G3BP1: variants seen among roughly 807,000 people sequenced by gnomAD.
G3BP1 encodes G3BP stress granule assembly factor 1.
In G3BP1, 35 loss-of-function variants were observed where a neutral mutation model predicts 58.6. The observed-to-expected ratio is 0.60, with a 90% CI of 0.46 to 0.79. The LOEUF (loss-of-function observed/expected upper bound fraction) is 0.79. Among genes scored for constraint, G3BP1 ranks in the 30% least tolerant of loss-of-function variants. G3BP1 has a pLI of 0.00. For missense variants in G3BP1, 523 were observed against 580.8 expected, an observed-to-expected ratio of 0.90 and a Z score of 1.02; for synonymous variants, 191 against 195.4, an observed-to-expected ratio of 0.98 and a Z score of 0.19.
At chr5:151,797,951 TAACTG>T (rs1404568651) in intron 7 of G3BP1, among the ~76,000 whole-genome samples, 2 of 150,826 alleles carry the variant, frequency 1.3e-5, no homozygotes, top group African/African-American at 2.4e-5. Flanking sequence ...GGGTGATTGT[TAACTG>T]AACTATCGTT....
intron 7 of G3BP1, 52 bp from the exon 8 acceptor site, chr5:151,799,160 A>G (rs368299038): frequency 2.2e-5 from 20 of 890,008 alleles, no homozygotes; most frequent in Admixed American, 6.8e-5. Context: ...AGTAGCTTTT[A>G]TATTGTTTTG....
In G3BP1 at chr5:151,775,278, C is replaced by T. The variant is rs377735264; in HGVS notation, c.-50+3242C>T. On this transcript the variant is annotated intron_variant, in intron 1 of 11. Coordinates refer to ENST00000356245, the MANE Select transcript of G3BP1 (RefSeq NM_005754.3). ...GCTTCCTGGATGGTATACACATCTA[C>T]TTAGTAGGGATGTAATCTTTGGTGG... 5.7e-4 allele frequency among the ~76,000 whole-genome samples: 87 copies of T among 152,302 alleles called. 1 individual carries two copies. The highest frequency in any genetic ancestry group is 1.9e-3 in the African/African-American group (80 of 41,564).
chr5:151,794,041 C>A, intron 4 of G3BP1, 118 bp from the exon 5 acceptor site: 1 of 648,936 alleles, frequency 1.5e-6, no homozygotes, highest in Non-Finnish European at 2.8e-6. Context: ...ACTGAAATGT[C>A]TCCAGATATT....
Position 151,798,523 on chromosome 5 carries a change from T to TG in G3BP1, c.742-688dup, listed in dbSNP as rs1386380007. 9.8e-5 allele frequency among the ~76,000 whole-genome samples: 15 copies of TG among 152,338 alleles called. No homozygotes were observed. The East Asian group carries it at 2.3e-3, about 23-fold the overall frequency. ...ATAACAGGTTCTGGCGATTTTTAAA[T>TG]GTGCGAGAAAGGTGTTTATGATGAT... On this transcript the variant is annotated intron_variant, in intron 7 of 11. Coordinates refer to ENST00000356245, the MANE Select transcript of G3BP1 (RefSeq NM_005754.3).
intron 1 of G3BP1, among the ~76,000 whole-genome samples, chr5:151,783,446 C>T (rs573971969): frequency 1.3e-5 from 2 of 150,188 alleles, no homozygotes; most frequent in South Asian, 4.2e-4. Context: ...CTTGCTCTGT[C>T]ACCCAAGGTG....
Position 151,799,809 on chromosome 5 carries a change from C to G in G3BP1, c.844-80C>G. On this transcript the variant is annotated intron_variant, in intron 8 of 11. Transcript: ENST00000356245. The stretch of plus-strand genomic sequence containing the variant: ...GAATTGTCCATTTTGTAGTTTAAAA[C>G]TTGTTAGCTAAGAAACTTCATTAAG... 3.8e-6 allele frequency: 3 copies of G among 790,776 alleles called. No individual in the cohort carries two copies. The East Asian group carries it at 7.6e-5, about 20-fold the overall frequency. 49.0% of individuals were successfully genotyped at this position (790,776 alleles called of 1,614,324 possible). A position where few individuals can be genotyped will look rare whatever the true frequency, so the allele number is the denominator to read the frequency against.
intron 4 of G3BP1, among the ~76,000 whole-genome samples, chr5:151,793,774 C>T (rs1262749152): frequency 2.8e-5 from 4 of 144,350 alleles, no homozygotes; most frequent in African/African-American, 7.8e-5. Context: ...GGGAGGACCA[C>T]TTGAGCCCAG....
intron 5 of G3BP1, 35 bp downstream of exon 5, chr5:151,794,284 ATT>A: frequency 8.1e-7 from 1 of 1,236,462 alleles, no homozygotes; most frequent in African/African-American, 1.5e-5. Flanking sequence ...ACTTGTCTAA[ATT>A]TTTTTTAATG....
chr5:151,780,090 A>G (rs1762440700), intron 1 of G3BP1, among the ~76,000 whole-genome samples: 1 of 151,952 alleles, frequency 6.6e-6, no homozygotes, highest in East Asian at 1.9e-4. Flanking sequence ...TCTTTTTTTT[A>G]CTTGGTTGCC....
chr5:151,792,638 G>C (rs144419680), intron 4 of G3BP1, among the ~76,000 whole-genome samples: 32 of 152,212 alleles, frequency 2.1e-4, no homozygotes, highest in African/African-American at 7.5e-4. Flanking sequence ...GAGTCTCCCT[G>C]TGTTACCCAG....
In G3BP1 at chr5:151,811,989, C is replaced by G. The variant is rs1487837345; in HGVS notation, c.*7898C>G. ...CCAGGCTGCTTTTTAGAAGTATCTT[C>G]TACTTTGGCTAGCTGTCAGAGTTGC... is the stretch of plus-strand genomic sequence containing the variant. On this transcript the variant is annotated 3_prime_UTR_variant, in exon 12 of 12. Transcript: ENST00000356245. 2 of 152,186 alleles carry G rather than the reference C, an allele frequency of 1.3e-5. No homozygotes were observed. The highest frequency in any genetic ancestry group is 2.4e-5 in the African/African-American group (1 of 41,460). 9.4% of individuals were successfully genotyped at this position (152,186 alleles called of 1,614,324 possible).
chr5:151,774,379 A>G lies in G3BP1; in HGVS notation c.-50+2343A>G, dbSNP rs548566239. 5.9e-5 allele frequency among the ~76,000 whole-genome samples: 9 copies of G among 152,014 alleles called. No homozygotes were observed. The South Asian group carries it at 1.0e-3, about 18-fold the overall frequency. On this transcript the variant is annotated intron_variant, in intron 1 of 11. Coordinates refer to ENST00000356245, the MANE Select transcript of G3BP1 (RefSeq NM_005754.3). The stretch of plus-strand genomic sequence containing the variant: ...TCCCACTCGTTCTAGTATTTTGCAT[A>G]GAAAGTGAACGGCAGAAGGCAGTTT...
Position 151,810,799 on chromosome 5 carries a change from C to T in G3BP1, c.*6708C>T, listed in dbSNP as rs1763007680. On this transcript the variant is annotated 3_prime_UTR_variant, in exon 12 of 12. Coordinates refer to ENST00000356245, the MANE Select transcript of G3BP1 (RefSeq NM_005754.3). The stretch of plus-strand genomic sequence containing the variant: ...AATTTAATAAATTTTAGGCACTATA[C>T]CATTTCAGTGGAGAAAATTGTTGGG... The T allele has an allele frequency of 6.7e-6, 1 of 150,308 alleles. No individual in the cohort carries two copies. The allele number at this position is 150,308 out of a possible 1,614,324, so 9.3% of individuals were successfully genotyped here.
At chr5:151,797,189 G>T (rs770626338) in intron 6 of G3BP1, 38 bp from the exon 7 acceptor site, 8 of 1,600,138 alleles carry the variant, frequency 5.0e-6, no homozygotes, top group Non-Finnish European at 6.0e-6. Flanking sequence ...TGAAATAAAT[G>T]GTGGCAGAAT....
At chr5:151,798,318 C>G (rs981053011) in intron 7 of G3BP1, among the ~76,000 whole-genome samples, 1 of 152,036 alleles carries the variant, frequency 6.6e-6, no homozygotes, top group African/African-American at 2.4e-5. Context: ...CACTGCATTC[C>G]AGCCTGGGTA....
At chr5:151,797,153 T>C (rs923449693) in intron 6 of G3BP1, 74 bp from the exon 7 acceptor site, 1 of 1,438,584 alleles carries the variant, frequency 7.0e-7, no homozygotes, top group African/African-American at 1.4e-5. Context: ...TGGTTTCTGA[T>C]TAATAAATGA....
intron 4 of G3BP1, chr5:151,791,282 GA>G: frequency 4.9e-6 from 2 of 404,178 alleles, no homozygotes; most frequent in East Asian, 8.0e-5. Flanking sequence ...CATTTCCTAA[GA>G]ATAATTCTCT....
chr5:151,792,444 A>T (rs527898411), intron 4 of G3BP1, among the ~76,000 whole-genome samples: 2 of 152,342 alleles, frequency 1.3e-5, no homozygotes, highest in African/African-American at 4.8e-5. Context: ...GATGTGGTAG[A>T]CTTCTAAATA....
rs1762931315 is a variant in G3BP1 at position 151,805,801 on chromosome 5, A to G, written c.*1710A>G. ...GAAGAAATACAACTTATACTTTTGTAGCTTATATTAAGCATGTGGTGGGTG... is the reference window on the plus strand; with the variant it reads ...GAAGAAATACAACTTATACTTTTGTGGCTTATATTAAGCATGTGGTGGGTG... On this transcript the variant is annotated 3_prime_UTR_variant, in exon 12 of 12. Coordinates refer to ENST00000356245, the MANE Select transcript of G3BP1 (RefSeq NM_005754.3). The G allele has an allele frequency of 6.6e-6, 1 of 152,220 alleles. No homozygotes were observed. The highest frequency in any genetic ancestry group is 2.1e-4 in the South Asian group (1 of 4,834). The allele number at this position is 152,220 out of a possible 1,614,324, so 9.4% of individuals were successfully genotyped here. A position where few individuals can be genotyped will look rare whatever the true frequency, so the allele number is the denominator to read the frequency against.
Sources: allele counts gnomAD v4.1 joint callset (sites outside exome capture counted in the v4.1 genomes callset), GRCh38; gene constraint gnomAD v4.1.1; transcripts MANE v1.5; gene names NCBI Gene and HGNC (gene_info 2026-07-23, HGNC 2026-07-21).